FRAS1: variants seen among roughly 807,000 people sequenced by gnomAD.
FRAS1 encodes Fraser extracellular matrix complex subunit 1.
A neutral mutation model predicts 435.2 loss-of-function variants in FRAS1; 290 were observed. That is an observed-to-expected ratio of 0.67 (90% confidence interval 0.61 to 0.73). FRAS1 has a LOEUF of 0.73. FRAS1 is among the 30% of genes least tolerant of loss of function. The pLI, the probability that FRAS1 is intolerant of heterozygous loss-of-function variation, is 0.00. For synonymous variants in FRAS1, 1,800 were observed against 1,851.0 expected, an observed-to-expected ratio of 0.97 and a Z score of 0.71; for missense variants, 4,860 against 5,001.5, an observed-to-expected ratio of 0.97 and a Z score of 0.85.
At chr4:78,342,249 T>G in intron 20 of FRAS1, among the ~76,000 whole-genome samples, 1 of 152,184 alleles carries the variant, frequency 6.6e-6, no homozygotes, top group East Asian at 1.9e-4. Context: ...GGAGACCTCT[T>G]AATTGTACTT....
At position 78,267,340 on chromosome 4, in the gene FRAS1, A is replaced by G; in HGVS notation, c.889A>G (p.Met297Val). ...TGGAGTTGTGCGGTACCAGGACGAA[A>G]TGTGGAAGGGCTCGGCCTGTGAGTT... ...YDGVVRYQDEMWKGSACEFCM... is the reference protein window; with the variant it reads ...YDGVVRYQDEVWKGSACEFCM... The change falls in exon 9 of 74, where the codon ATG becomes GTG. Residue 297 changes from methionine to valine, a missense_variant. By Grantham distance (21) the Met-to-Val change is conservative (BLOSUM62 1). Coordinates refer to ENST00000512123, the MANE Select transcript of FRAS1 (RefSeq NM_025074.7). 1 of 1,613,824 alleles carries G rather than the reference A, an allele frequency of 6.2e-7. No individual in the cohort carries two copies. The highest frequency in any genetic ancestry group is 1.7e-5 in the Admixed American group (1 of 60,020).
intron 14 of FRAS1, among the ~76,000 whole-genome samples, chr4:78,300,512 G>A (rs1277169520): frequency 1.3e-5 from 2 of 151,966 alleles, no homozygotes; most frequent in South Asian, 2.1e-4. Context: ...CACCCAACTA[G>A]TCCAAGTCCC....
chr4:78,368,723 C>T (rs1413031196), intron 22 of FRAS1, among the ~76,000 whole-genome samples: 2 of 152,044 alleles, frequency 1.3e-5, no homozygotes, highest in East Asian at 3.9e-4. Flanking sequence ...TAATGCAAGG[C>T]CTGTTTTAGA....
At chr4:78,407,575 TAAA>T in intron 30 of FRAS1, 85 bp from the exon 31 acceptor site, 1 of 942,806 alleles carries the variant, frequency 1.1e-6, no homozygotes, top group Non-Finnish European at 1.5e-6. Flanking sequence ...TCTTTCTAGT[TAAA>T]AAAAAAATGA....
At chr4:78,077,650 G>A (rs1486668204) in intron 2 of FRAS1, among the ~76,000 whole-genome samples, 1 of 151,822 alleles carries the variant, frequency 6.6e-6, no homozygotes, top group Non-Finnish European at 1.5e-5. Context: ...ACATCCATGT[G>A]TACACATTAT....
At chr4:78,152,377 G>GAA (rs150346894) in intron 2 of FRAS1, among the ~76,000 whole-genome samples, 3,664 of 152,132 alleles carry the variant, frequency 0.024, 101 homozygotes, top group South Asian at 0.085. Context: ...GGGTCAGGTT[G>GAA]AATTTCTCAC....
chr4:78,360,052 CT>C (rs1049041945), intron 20 of FRAS1, among the ~76,000 whole-genome samples: 19 of 152,258 alleles, frequency 1.2e-4, no homozygotes, highest in African/African-American at 4.3e-4. Context: ...ACTCCAGAGA[CT>C]TGATTAGGAG....
At chr4:78,112,707 T>G (rs1449378060) in intron 2 of FRAS1, among the ~76,000 whole-genome samples, 1 of 152,134 alleles carries the variant, frequency 6.6e-6, no homozygotes, top group Non-Finnish European at 1.5e-5. Flanking sequence ...CTATGCTTCA[T>G]AGATATATTT....
intron 2 of FRAS1, among the ~76,000 whole-genome samples, chr4:78,074,965 C>G (rs193289070): frequency 6.6e-6 from 1 of 152,286 alleles, no homozygotes; most frequent in African/African-American, 2.4e-5. Flanking sequence ...CTTGCTGAGG[C>G]AGCTTTCCCA....
At position 78,374,251 on chromosome 4, in the gene FRAS1, G is replaced by T; in HGVS notation, c.3151G>T (p.Ala1051Ser). ...FADHAKHKCT[A>S]CPQGCLQCSH... The stretch of plus-strand genomic sequence containing the variant: ...AGATCATGCAAAGCACAAATGCACA[G>T]GTAACTTGGAGACTGCTGATTATTC... The change falls in exon 25 of 74, where the codon GCC becomes TCC. Residue 1051 changes from alanine to serine, a missense_variant and splice_region_variant. By Grantham distance (99) the Ala-to-Ser change is moderately conservative (BLOSUM62 1). Transcript: ENST00000512123. The T allele has an allele frequency of 6.4e-7, 1 of 1,565,256 alleles. No homozygotes were observed.
intron 67 of FRAS1, 62 bp downstream of exon 67, chr4:78,519,543 G>A (rs1232788258): frequency 1.9e-6 from 3 of 1,552,240 alleles, no homozygotes; most frequent in Non-Finnish European, 1.7e-6. Context: ...AAGATTAAAA[G>A]AAGAGTAGTG....
rs376250683 is a variant in FRAS1, at chr4:78,450,167, C to T, written c.6291C>T (p.Ile2097=). The T allele has an allele frequency of 7.4e-6, 12 of 1,613,280 alleles. No individual in the cohort carries two copies. The highest frequency in any genetic ancestry group is 4.0e-5 in the African/African-American group (3 of 74,892). ...LQLSAGSVAR[I]TEQHLKVTDI... ...TCTTCCAAGGGTCTGTAGCACGCAT[C>T]ACAGAACAGCACTTGAAAGTGACAG... Residue 2097 remains isoleucine (I), a synonymous_variant, in exon 45 of 74, where the codon ATC becomes ATT. Transcript: ENST00000512123.
chr4:78,305,715 G>A (rs1728675974), intron 14 of FRAS1, among the ~76,000 whole-genome samples: 1 of 151,742 alleles, frequency 6.6e-6, no homozygotes, highest in African/African-American at 2.4e-5. Flanking sequence ...CATTTGCTTG[G>A]TAGATCTTTC....
At chr4:78,324,966 A>G (rs1224740812) in intron 18 of FRAS1, among the ~76,000 whole-genome samples, 1 of 152,196 alleles carries the variant, frequency 6.6e-6, no homozygotes, top group African/African-American at 2.4e-5. Context: ...TTTTGAAGAC[A>G]TTACAAGTTT....
intron 20 of FRAS1, among the ~76,000 whole-genome samples, chr4:78,357,390 A>C (rs1018083227): frequency 6.6e-6 from 1 of 152,220 alleles, no homozygotes; most frequent in African/African-American, 2.4e-5. Context: ...TGAAGGCAAG[A>C]AACATAGCCC....
intron 18 of FRAS1, among the ~76,000 whole-genome samples, chr4:78,330,272 C>T (rs1459013207): frequency 6.6e-6 from 1 of 152,192 alleles, no homozygotes; most frequent in Admixed American, 6.5e-5. Flanking sequence ...TTTCCTATGC[C>T]TGTCTTTACT....
In FRAS1 at chr4:78,284,419, G is replaced by A; in HGVS notation, c.1270G>A (p.Asp424Asn). The A allele has an allele frequency of 1.9e-6, 3 of 1,613,762 alleles. No individual in the cohort carries two copies. In the African/African-American group the frequency reaches 4.0e-5, roughly 22 times the overall value. ...PDCTSVHCHP[D>N]CLTCSQSPDH... is the part of the protein sequence containing the mutation. ...CTTGATTTCAGTTCATTGCCATCCA[G>A]ATTGTTTGACATGCTCTCAGTCTCC... The change falls in exon 13 of 74, where the codon GAT (aspartate) becomes AAT (asparagine). Residue 424 changes from aspartate (D) to asparagine (N), a missense_variant. Physicochemically the swap from Asp to Asn is conservative, Grantham distance 23. Coordinates refer to ENST00000512123, the MANE Select transcript of FRAS1 (RefSeq NM_025074.7).
intron 59 of FRAS1, among the ~76,000 whole-genome samples, chr4:78,492,875 A>G (rs948739040): frequency 4.6e-5 from 7 of 152,236 alleles, no homozygotes; most frequent in African/African-American, 1.4e-4. Flanking sequence ...CAGGCAACCT[A>G]CAGAATGGGA....
At chr4:78,337,896 T>G in intron 20 of FRAS1, 79 bp downstream of exon 20, 1 of 1,433,108 alleles carries the variant, frequency 7.0e-7, no homozygotes, top group South Asian at 1.2e-5. Context: ...AAGGGGGCTC[T>G]TTGTCCTCAG....
Sources: gnomAD v4.1 joint callset for allele counts (sites outside exome capture counted in the v4.1 genomes callset) on GRCh38, gnomAD v4.1.1 for gene constraint, MANE v1.5 for transcripts, NCBI Gene and HGNC (gene_info 2026-07-23, HGNC 2026-07-21) for gene names.